Variants in SLC29A3 observed in about 807,000 individuals in gnomAD.
SLC29A3 encodes solute carrier family 29 member 3.
Under a neutral mutation model 25.4 loss-of-function variants are expected in SLC29A3, and 18 were observed. That is an observed-to-expected ratio of 0.71 (90% CI 0.49 to 1.05). The LOEUF (loss-of-function observed/expected upper bound fraction) is 1.05, where lower values mean the gene tolerates loss of function less well. Ranked by LOEUF, SLC29A3 falls within the 50% of genes least tolerant of loss-of-function variation. The pLI is 0.00. For synonymous variants in SLC29A3, 258 were observed against 267.1 expected (o/e 0.97, Z 0.33); for missense variants, 586 against 609.0 (o/e 0.96, Z 0.40).
intron 2 of SLC29A3, among the ~76,000 whole-genome samples, chr10:71,325,999 C>T (rs1383175253): frequency 6.6e-6 from 1 of 151,348 alleles, no homozygotes; most frequent in Non-Finnish European, 1.5e-5. Context: ...TCACTGCAGC[C>T]TCAACCTCCC....
At chr10:71,331,300 A>G (rs60161290) in intron 2 of SLC29A3, among the ~76,000 whole-genome samples, 302 of 152,184 alleles carry the variant, frequency 2.0e-3, no homozygotes, top group African/African-American at 7.0e-3. Flanking sequence ...ATCGTGGAGG[A>G]TGGGGGGAGA....
chr10:71,374,479 G>A (rs781457191), intron 3 of SLC29A3, among the ~76,000 whole-genome samples: 2 of 152,170 alleles, frequency 1.3e-5, no homozygotes, highest in African/African-American at 4.8e-5. Flanking sequence ...TTCTGCTCCC[G>A]CCATGGTAAC....
intron 2 of SLC29A3, among the ~76,000 whole-genome samples, chr10:71,334,576 C>T (rs777797780): frequency 1.3e-5 from 2 of 152,246 alleles, no homozygotes; most frequent in Non-Finnish European, 2.9e-5. Flanking sequence ...AGCTGAATCT[C>T]CCATGTCTAC....
At chr10:71,369,108 T>A (rs1372693332) in intron 3 of SLC29A3, among the ~76,000 whole-genome samples, 1 of 152,204 alleles carries the variant, frequency 6.6e-6, no homozygotes, top group African/African-American at 2.4e-5. Context: ...CTCACCCCTG[T>A]GCCGTGTGAG....
intron 3 of SLC29A3, among the ~76,000 whole-genome samples, chr10:71,350,928 ACAAT>A (rs1260511616): frequency 6.6e-6 from 1 of 152,202 alleles, no homozygotes; most frequent in Non-Finnish European, 1.5e-5. Flanking sequence ...AACCGGTGTA[ACAAT>A]CAAACACACT....
intron 3 of SLC29A3, among the ~76,000 whole-genome samples, chr10:71,344,602 C>T (rs2131828351): frequency 6.6e-6 from 1 of 152,306 alleles, no homozygotes; most frequent in South Asian, 2.1e-4. Context: ...TGTCAGTCTG[C>T]AAGTCTGTGG....
intron 2 of SLC29A3, among the ~76,000 whole-genome samples, chr10:71,343,529 A>T (rs1198751460): frequency 6.6e-6 from 1 of 152,132 alleles, no homozygotes; most frequent in African/African-American, 2.4e-5. Flanking sequence ...AATGGCTTTG[A>T]CCTTCTGTAG....
chr10:71,373,931 G>A (rs1001082771), intron 3 of SLC29A3, among the ~76,000 whole-genome samples: 4 of 152,198 alleles, frequency 2.6e-5, no homozygotes, highest in Non-Finnish European at 4.4e-5. Context: ...GTTCACAGGA[G>A]ACCCTTCTAG....
Position 71,362,021 on chromosome 10 carries a change from C to T in SLC29A3, c.841C>T (p.Leu281Phe). Reference sequence around the variant, plus strand: ...TGAAGAGGAGCTTCCCCAGGACTCCCTCAGTGCCCCTTCGGTGGCCTCCAG... The same window carrying T: ...TGAAGAGGAGCTTCCCCAGGACTCCTTCAGTGCCCCTTCGGTGGCCTCCAG... ...SGEEELPQDS[L>F]SAPSVASRFI... The change falls in exon 6 of 6, where the codon CTC (leucine) becomes TTC (phenylalanine). Residue 281 changes from leucine (L) to phenylalanine (F), a missense_variant. Transcript: ENST00000373189. 6.2e-7 allele frequency: 1 copy of T among 1,614,198 alleles called. No individual in the cohort carries two copies.
chr10:71,352,519 T>A (rs1846792008), intron 4 of SLC29A3: 1 of 152,742 alleles, frequency 6.5e-6, no homozygotes, highest in South Asian at 2.1e-4. Flanking sequence ...CTTCCCCTTC[T>A]TGTCTCCTTT....
At chr10:71,357,111 AT>A (rs1846933883) in intron 5 of SLC29A3, among the ~76,000 whole-genome samples, 1 of 151,542 alleles carries the variant, frequency 6.6e-6, no homozygotes. Flanking sequence ...ACACCCAGCT[AT>A]TTTTTAAAAA....
intron 2 of SLC29A3, among the ~76,000 whole-genome samples, chr10:71,328,373 T>C (rs1372014891): frequency 6.6e-6 from 1 of 152,198 alleles, no homozygotes; most frequent in Non-Finnish European, 1.5e-5. Flanking sequence ...TCTTCAGAGC[T>C]GCATCATACT....
At chr10:71,373,795 G>A (rs1425338445) in intron 3 of SLC29A3, among the ~76,000 whole-genome samples, 1 of 152,166 alleles carries the variant, frequency 6.6e-6, no homozygotes, top group East Asian at 1.9e-4. Flanking sequence ...ATAAGGAAGG[G>A]CTGGGAAGGC....
At position 71,361,948 on chromosome 10, in the gene SLC29A3, C is replaced by T. The variant is rs185479915; in HGVS notation, c.774-6C>T. On this transcript the variant is annotated splice_polypyrimidine_tract_variant and splice_region_variant and intron_variant, in intron 5 of 5. Transcript: ENST00000373189. ...GCTTGATGGTGGCCCTGTCTCCTCC[C>T]TGCAGGTACTACATGAGGCCTGTTC... is the stretch of plus-strand genomic sequence containing the variant. 118 of 1,613,982 alleles carry T rather than the reference C, an allele frequency of 7.3e-5. 1 individual carries two copies. The East Asian group carries it at 2.4e-3, about 33-fold the overall frequency.
rs1211435129 is a variant in SLC29A3 at position 71,351,554 on chromosome 10, C to G, written c.384-8C>G. 2 of 1,613,390 alleles carry G rather than the reference C, an allele frequency of 1.2e-6. No homozygotes were observed. The highest frequency in any genetic ancestry group is 2.2e-5 in the East Asian group (1 of 44,878). ...GGTGTCTAACTGCTTCTGGCATCCT[C>G]GCCCCAGGGTTGCAGTCCACATCCG... On this transcript the variant is annotated splice_polypyrimidine_tract_variant and splice_region_variant and intron_variant, in intron 3 of 5. Coordinates refer to ENST00000373189, the MANE Select transcript of SLC29A3 (RefSeq NM_018344.6).
intron 2 of SLC29A3, among the ~76,000 whole-genome samples, chr10:71,329,211 G>A (rs1470002165): frequency 6.6e-6 from 1 of 152,176 alleles, no homozygotes; most frequent in African/African-American, 2.4e-5. Flanking sequence ...TGATAGAACT[G>A]CAGAGCCCAT....
At position 71,340,766 on chromosome 10, in the gene SLC29A3, C is replaced by A. The variant is rs76781506; in HGVS notation, c.301-3443C>A. On this transcript the variant is annotated intron_variant, in intron 2 of 5. Coordinates refer to ENST00000373189, the MANE Select transcript of SLC29A3 (RefSeq NM_018344.6). ...CCTCTTGGAAGCAAATGAGATGAAC[C>A]CAGGAGGGACATGCCAGCTGCCTGG... 3.7e-3 allele frequency among the ~76,000 whole-genome samples: 565 copies of A among 152,216 alleles called. 1 individual carries two copies. Among genetic ancestry groups the A allele is most frequent in the Non-Finnish European group, 7.1e-3 (482 of 68,022 alleles).
intron 4 of SLC29A3, among the ~76,000 whole-genome samples, chr10:71,353,154 C>G (rs1229006028): frequency 6.6e-6 from 1 of 152,220 alleles, no homozygotes; most frequent in African/African-American, 2.4e-5. Flanking sequence ...GGCAGTTACT[C>G]TCAGCAGATC....
In SLC29A3 at chr10:71,362,658, G is replaced by T; in HGVS notation, c.*50G>T. 6.2e-7 allele frequency: 1 copy of T among 1,611,278 alleles called. No individual in the cohort carries two copies. Among genetic ancestry groups the T allele is most frequent in the Non-Finnish European group, 8.5e-7 (1 of 1,178,262 alleles). On this transcript the variant is annotated 3_prime_UTR_variant, in exon 6 of 6. Transcript: ENST00000373189. ...GCTTCAGAGCCTTTGAAGATGAGAA[G>T]AGAGTGCAGGAGGGCTGGGGGCCAT...
Sources: allele counts gnomAD v4.1 joint callset (sites outside exome capture counted in the v4.1 genomes callset), GRCh38; gene constraint gnomAD v4.1.1; transcripts MANE v1.5; gene names NCBI Gene and HGNC (gene_info 2026-07-23, HGNC 2026-07-21).